Variants in PCMT1 observed in about 807,000 individuals in gnomAD.
PCMT1 encodes the protein protein-L-isoaspartate (D-aspartate) O-methyltransferase.
A neutral mutation model predicts 29.2 loss-of-function variants in PCMT1; 9 were observed. That is an observed-to-expected ratio of 0.31 (90% CI 0.19 to 0.54). The LOEUF is 0.54. PCMT1 is among the 20% of genes least tolerant of loss of function. The pLI is 0.95. For synonymous variants in PCMT1, 98 were observed against 97.5 expected, an observed-to-expected ratio of 1.00 and a Z score of -0.03; for missense variants, 184 against 282.2, an observed-to-expected ratio of 0.65 and a Z score of 2.49.
At chr6:149,793,818 C>A in intron 5 of PCMT1, 149 bp downstream of exon 5, 1 of 620,520 alleles carries the variant, frequency 1.6e-6, no homozygotes, top group Non-Finnish European at 2.4e-6. Flanking sequence ...TATTTTTGCT[C>A]ACCTAGTGTG....
chr6:149,762,565 G>GATAT (rs377346796), intron 1 of PCMT1, among the ~76,000 whole-genome samples: 1 of 16,432 alleles, frequency 6.1e-5, no homozygotes, highest in Non-Finnish European at 9.1e-5. Flanking sequence ...ATATATCTAT[G>GATAT]ATATATATAT....
At position 149,762,932 on chromosome 6, in the gene PCMT1, A is replaced by C. The variant is rs187949626; in HGVS notation, c.56-8230A>C. Among the ~76,000 whole-genome samples the C allele has an allele frequency of 1.2e-4, 7 of 58,236 alleles. 1 individual carries two copies. In the Admixed American group the frequency reaches 1.5e-3, roughly 12 times the overall value. 38.2% of individuals were successfully genotyped at this position (58,236 alleles called of 152,430 possible). ...TCTATGATATATATATCTATGATATATATGATATATATATCTATGATATGT... is the reference window on the plus strand; with the variant it reads ...TCTATGATATATATATCTATGATATCTATGATATATATATCTATGATATGT... On this transcript the variant is annotated intron_variant, in intron 1 of 7. Transcript: ENST00000464889.
chr6:149,772,086 T>C (rs1289487173), intron 2 of PCMT1: 2 of 456,708 alleles, frequency 4.4e-6, no homozygotes, highest in South Asian at 1.5e-5. Context: ...TGGGCGCCTT[T>C]GAGGCTTAGA....
intron 1 of PCMT1, among the ~76,000 whole-genome samples, chr6:149,758,234 A>G (rs1280883160): frequency 6.8e-5 from 4 of 59,214 alleles, no homozygotes; most frequent in Non-Finnish European, 1.2e-4. Context: ...TTTCTGAGAC[A>G]GAGTCTTGCT....
At chr6:149,790,142 T>G (rs1467398391) in intron 4 of PCMT1, 84 bp downstream of exon 4, 1 of 761,378 alleles carries the variant, frequency 1.3e-6, no homozygotes, top group African/African-American at 1.7e-5. Context: ...GTGGTTTTCA[T>G]GTTTATTTGT....
chr6:149,775,750 C>T (rs1222551500), intron 3 of PCMT1, among the ~76,000 whole-genome samples: 1 of 152,068 alleles, frequency 6.6e-6, no homozygotes, highest in Non-Finnish European at 1.5e-5. Flanking sequence ...ATACATATGA[C>T]AGCAAGGGAA....
chr6:149,789,850 G>A, intron 3 of PCMT1, 104 bp from the exon 4 acceptor site: 1 of 610,508 alleles, frequency 1.6e-6, no homozygotes, highest in Non-Finnish European at 2.7e-6. Context: ...GGTTATCTTG[G>A]TAGATGACAA....
chr6:149,802,829 G>A (rs1466354180), intron 7 of PCMT1, among the ~76,000 whole-genome samples: 7 of 151,886 alleles, frequency 4.6e-5, no homozygotes, highest in Admixed American at 2.0e-4. Context: ...CTAGGTGGGC[G>A]GATCACTTGA....
intron 3 of PCMT1, among the ~76,000 whole-genome samples, chr6:149,776,573 G>A (rs967801545): frequency 2.6e-5 from 4 of 151,954 alleles, no homozygotes; most frequent in Non-Finnish European, 4.4e-5. Context: ...CACTGTGCCT[G>A]GCCATTAAAA....
chr6:149,771,087 C>T lies in PCMT1; in HGVS notation c.56-75C>T, dbSNP rs577485069. ...CTCTTCCAGTTCAGTCTCTATAGCA[C>T]AGCTGGTGTAATTATTCTAAAATAT... is the stretch of plus-strand genomic sequence containing the variant. On this transcript the variant is annotated intron_variant, in intron 1 of 7. Coordinates refer to ENST00000464889, the MANE Select transcript of PCMT1 (RefSeq NM_001360452.2). 4.8e-5 allele frequency: 41 copies of T among 859,956 alleles called. No individual in the cohort carries two copies. The South Asian group carries it at 6.2e-4, about 13-fold the overall frequency. 53.3% of individuals were successfully genotyped at this position (859,956 alleles called of 1,614,324 possible).
chr6:149,770,046 T>G (rs1025734034), intron 1 of PCMT1, among the ~76,000 whole-genome samples: 3 of 152,192 alleles, frequency 2.0e-5, no homozygotes, highest in African/African-American at 4.8e-5. Context: ...CTTTCATGGC[T>G]CTGTTTTCTT....
intron 7 of PCMT1, chr6:149,802,649 C>A: frequency 3.2e-6 from 1 of 310,530 alleles, no homozygotes; most frequent in Non-Finnish European, 5.3e-6. Flanking sequence ...GAGAGACTTT[C>A]AGCTTCAATT....
intron 7 of PCMT1, among the ~76,000 whole-genome samples, chr6:149,804,460 A>T (rs1775948730): frequency 6.6e-6 from 1 of 152,132 alleles, no homozygotes; most frequent in Non-Finnish European, 1.5e-5. Context: ...GAAGCTGCAG[A>T]GCCCTTGCTT....
Position 149,796,503 on chromosome 6 carries a change from G to A in PCMT1, c.504+3G>A. The A allele has an allele frequency of 1.2e-6, 2 of 1,608,620 alleles. No individual in the cohort carries two copies. Among genetic ancestry groups the A allele is most frequent in the Non-Finnish European group, 1.7e-6 (2 of 1,177,050 alleles). On this transcript the variant is annotated splice_donor_region_variant and intron_variant, in intron 6 of 7. Coordinates refer to ENST00000464889, the MANE Select transcript of PCMT1 (RefSeq NM_001360452.2). The stretch of plus-strand genomic sequence containing the variant: ...CAGCCCCTGTTGTACCCCAGGCGGT[G>A]AGTCGGGATTTTTTCTGTTTGTGTG...
At chr6:149,800,733 G>T (rs1775802164) in intron 6 of PCMT1, among the ~76,000 whole-genome samples, 3 of 151,944 alleles carry the variant, frequency 2.0e-5, no homozygotes, top group African/African-American at 7.3e-5. Context: ...GTATAACTAG[G>T]GTTCCCTTAT....
chr6:149,809,841 GACTT>G (rs1465898005), intron 7 of PCMT1, among the ~76,000 whole-genome samples: 4 of 151,584 alleles, frequency 2.6e-5, no homozygotes, highest in African/African-American at 7.3e-5. Flanking sequence ...AACCACTTGA[GACTT>G]AATTATCAAT....
chr6:149,777,827 T>A (rs924539071), intron 3 of PCMT1, among the ~76,000 whole-genome samples: 2 of 131,122 alleles, frequency 1.5e-5, no homozygotes, highest in Non-Finnish European at 3.1e-5. Flanking sequence ...TTTCTTTTCT[T>A]CTTTCTTTTT....
chr6:149,768,399 T>C lies in PCMT1; in HGVS notation c.56-2763T>C, dbSNP rs990327897. ...GAGCTACCGCACCTGGCCCCTAATT[T>C]TTAAAATTCTTATTATAATAGGTGA... On this transcript the variant is annotated intron_variant, in intron 1 of 7. Coordinates refer to ENST00000464889, the MANE Select transcript of PCMT1 (RefSeq NM_001360452.2). Among the ~76,000 whole-genome samples the C allele has an allele frequency of 7.2e-5, 11 of 152,040 alleles. No homozygotes were observed. In the East Asian group the frequency reaches 1.4e-3, roughly 19 times the overall value.
At position 149,749,862 on chromosome 6, in the gene PCMT1, G is replaced by A; in HGVS notation, c.-40G>A. The A allele has an allele frequency of 6.3e-7, 1 of 1,597,262 alleles. No homozygotes were observed. The highest frequency in any genetic ancestry group is 8.5e-7 in the Non-Finnish European group (1 of 1,172,102). ...GAAAACTGCTGGGCACCGTCGTCGC[G>A]CTGAAGGTGGTTCTGTACCTGCTCC... is the stretch of plus-strand genomic sequence containing the variant. On this transcript the variant is annotated 5_prime_UTR_variant, in exon 1 of 8. Transcript: ENST00000464889.
Sources: gnomAD v4.1 joint callset for allele counts (sites outside exome capture counted in the v4.1 genomes callset) on GRCh38, gnomAD v4.1.1 for gene constraint, MANE v1.5 for transcripts, NCBI Gene and HGNC (gene_info 2026-07-23, HGNC 2026-07-21) for gene names.